The following MTHFD2L variants were observed in gnomAD, a reference collection of about 807,000 sequenced individuals.
The protein encoded by MTHFD2L is methylenetetrahydrofolate dehydrogenase (NADP+ dependent) 2 like.
Under a neutral mutation model 34.9 loss-of-function variants are expected in MTHFD2L, and 29 were observed. The observed-to-expected ratio is 0.83, with a 90% confidence interval of 0.62 to 1.13. The LOEUF (loss-of-function observed/expected upper bound fraction) is 1.13, where lower values mean the gene tolerates loss of function less well. Among genes scored for constraint, MTHFD2L ranks in the 50% most tolerant of loss-of-function variants. The pLI is 0.00. For synonymous variants in MTHFD2L, 167 were observed against 155.7 expected, an observed-to-expected ratio of 1.07 and a Z score of -0.54; for missense variants, 481 against 446.5, an observed-to-expected ratio of 1.08 and a Z score of -0.70.
At chr4:74,260,493 A>AAACAGTAC (rs1744542037) in intron 6 of MTHFD2L, among the ~76,000 whole-genome samples, 1 of 152,088 alleles carries the variant, frequency 6.6e-6, no homozygotes, top group Non-Finnish European at 1.5e-5. Context: ...AATTTGGCCC[A>AAACAGTAC]AACAGTACAA....
chr4:74,126,723 G>A (rs572277989), intron 1 of MTHFD2L, among the ~76,000 whole-genome samples: 22 of 152,064 alleles, frequency 1.4e-4, no homozygotes, highest in East Asian at 3.9e-4. Flanking sequence ...GAGCTCATAC[G>A]ATATCTTTTA....
chr4:74,221,380 A>G (rs1738158259), intron 5 of MTHFD2L, among the ~76,000 whole-genome samples: 1 of 151,816 alleles, frequency 6.6e-6, no homozygotes, highest in Admixed American at 6.6e-5. Flanking sequence ...AAAATAAATT[A>G]AACAAATACA....
intron 5 of MTHFD2L, among the ~76,000 whole-genome samples, chr4:74,211,145 T>C (rs1736244007): frequency 6.6e-6 from 1 of 152,184 alleles, no homozygotes; most frequent in Non-Finnish European, 1.5e-5. Flanking sequence ...CAATATGACT[T>C]CCTCTCTCCC....
intron 6 of MTHFD2L, chr4:74,267,220 G>A (rs1434503639): frequency 9.1e-6 from 9 of 985,136 alleles, no homozygotes; most frequent in African/African-American, 1.7e-5. Context: ...CTGGCCTGCA[G>A]TCTCTCCTCA....
At chr4:74,132,161 C>T (rs962636078) in intron 1 of MTHFD2L, among the ~76,000 whole-genome samples, 2 of 152,124 alleles carry the variant, frequency 1.3e-5, no homozygotes, top group African/African-American at 4.8e-5. Context: ...ATTAGTTCAG[C>T]CATTATGGAA....
At chr4:74,265,726 C>G (rs6814380) in intron 6 of MTHFD2L, among the ~76,000 whole-genome samples, 86,808 of 152,016 alleles carry the variant, frequency 0.57, 27,873 homozygotes, top group African/African-American at 0.88. Flanking sequence ...TTTTGTCATG[C>G]ATACTATTTT....
intron 6 of MTHFD2L, among the ~76,000 whole-genome samples, chr4:74,244,914 G>C (rs1742198587): frequency 6.6e-6 from 1 of 152,246 alleles, no homozygotes. Flanking sequence ...CTAGTTGTTG[G>C]CCGGGTGCAG....
At chr4:74,248,560 T>G (rs1156869616) in intron 6 of MTHFD2L, among the ~76,000 whole-genome samples, 2 of 148,386 alleles carry the variant, frequency 1.3e-5, no homozygotes, top group East Asian at 2.0e-4. Context: ...CTAGTTCTTT[T>G]AATTGTGATG....
At chr4:74,261,551 G>A (rs1458655269) in intron 6 of MTHFD2L, among the ~76,000 whole-genome samples, 3 of 152,006 alleles carry the variant, frequency 2.0e-5, no homozygotes, top group Non-Finnish European at 2.9e-5. Context: ...GCCAAATAAA[G>A]CAATAAATTC....
chr4:74,241,163 C>T (rs1012052467), intron 6 of MTHFD2L, among the ~76,000 whole-genome samples: 1 of 152,142 alleles, frequency 6.6e-6, no homozygotes, highest in African/African-American at 2.4e-5. Flanking sequence ...ACCCCTCTAC[C>T]TGCTCTCAAT....
intron 4 of MTHFD2L, 134 bp from the exon 5 acceptor site, chr4:74,201,129 C>A (rs973413026): frequency 3.4e-6 from 2 of 594,634 alleles, no homozygotes; most frequent in Admixed American, 6.1e-5. Flanking sequence ...TGAATGTGCT[C>A]ATATTATAGA....
At chr4:74,162,865 T>TA (rs1328953851) in intron 1 of MTHFD2L, among the ~76,000 whole-genome samples, 2 of 152,228 alleles carry the variant, frequency 1.3e-5, no homozygotes, top group African/African-American at 4.8e-5. Context: ...ATTATTGACT[T>TA]ATCTTACTTT....
rs1560537844 is a variant in MTHFD2L at position 74,258,910 on chromosome 4, A to T, written c.806-22515A>T. Among the ~76,000 whole-genome samples, 3 of 152,200 alleles carry T rather than the reference A, an allele frequency of 2.0e-5. No individual in the cohort carries two copies. The East Asian group carries it at 5.8e-4, about 29-fold the overall frequency. On this transcript the variant is annotated intron_variant, in intron 6 of 7. Coordinates refer to ENST00000325278, the MANE Select transcript of MTHFD2L (RefSeq NM_001144978.3). ...TCTGTGAACCCAGTCCCCAGTAAAA[A>T]AAATAAATAAATAACTTGTGAAAAA... is the stretch of plus-strand genomic sequence containing the variant.
rs1728788723 is a variant in MTHFD2L, at chr4:74,175,195, G to A, written c.329-86G>A. On this transcript the variant is annotated intron_variant, in intron 2 of 7. Coordinates refer to ENST00000325278, the MANE Select transcript of MTHFD2L (RefSeq NM_001144978.3). ...ACATCAGAACCTTTCACGGCAGTAG[G>A]AACAGTCCCACACTGTGTCAGACAC... 8 of 1,411,998 alleles carry A rather than the reference G, an allele frequency of 5.7e-6. No individual in the cohort carries two copies. In the South Asian group the frequency reaches 7.0e-5, roughly 12 times the overall value. 87.5% of individuals were successfully genotyped at this position (1,411,998 alleles called of 1,614,324 possible). A position where few individuals can be genotyped will look rare whatever the true frequency, so the allele number is the denominator to read the frequency against.
chr4:74,163,826 C>A (rs1006442450), intron 1 of MTHFD2L, among the ~76,000 whole-genome samples: 9 of 152,058 alleles, frequency 5.9e-5, no homozygotes, highest in African/African-American at 1.7e-4. Flanking sequence ...CTGGGTAGAG[C>A]TTGGAATTGT....
At chr4:74,260,300 C>T (rs945119758) in intron 6 of MTHFD2L, among the ~76,000 whole-genome samples, 3 of 152,102 alleles carry the variant, frequency 2.0e-5, no homozygotes, top group African/African-American at 7.2e-5. Context: ...ACTGTCAGCC[C>T]CCGGCTGTGA....
chr4:74,297,363 C>T (rs1282983447), intron 7 of MTHFD2L, among the ~76,000 whole-genome samples: 4 of 151,874 alleles, frequency 2.6e-5, no homozygotes, highest in African/African-American at 9.7e-5. Context: ...TGAATCTAAC[C>T]CTGGTTTTGC....
chr4:74,118,271 T>C (rs1479592711), intron 2 of MTHFD2L, among the ~76,000 whole-genome samples: 1 of 152,174 alleles, frequency 6.6e-6, no homozygotes, highest in African/African-American at 2.4e-5. Flanking sequence ...TTAACCCTCT[T>C]TTGTCCTCTC....
chr4:74,159,877 G>C (rs1725030188), intron 1 of MTHFD2L, among the ~76,000 whole-genome samples: 1 of 152,128 alleles, frequency 6.6e-6, no homozygotes, highest in South Asian at 2.1e-4. Flanking sequence ...ATTTTTTAAA[G>C]AGGGCACTAG....
Sources: allele counts gnomAD v4.1 joint callset (sites outside exome capture counted in the v4.1 genomes callset), GRCh38; gene constraint gnomAD v4.1.1; transcripts MANE v1.5; gene names NCBI Gene and HGNC (gene_info 2026-07-23, HGNC 2026-07-21).